Variants in KANK1 observed in about 807,000 individuals in gnomAD.
KANK1 encodes the protein KN motif and ankyrin repeat domain-containing protein 1.
A neutral mutation model predicts 106.2 loss-of-function variants in KANK1; 109 were observed. The observed-to-expected ratio is 1.03, with a 90% CI of 0.88 to 1.20. The LOEUF (loss-of-function observed/expected upper bound fraction) is 1.20, where lower values mean the gene tolerates loss of function less well. Ranked by LOEUF, KANK1 falls within the 50% of genes most tolerant of loss-of-function variation. The pLI is 0.00. For missense variants in KANK1, 2,399 were observed against 1,710.7 expected (o/e 1.40, Z -7.10); for synonymous variants, 873 against 652.2 (o/e 1.34, Z -5.16).
intron 7 of KANK1, among the ~76,000 whole-genome samples, chr9:736,389 G>C (rs1833813631): frequency 6.6e-6 from 1 of 152,114 alleles, no homozygotes; most frequent in African/African-American, 2.4e-5. Context: ...TAGATACAGA[G>C]GGCCAGCTGT....
intron 1 of KANK1, among the ~76,000 whole-genome samples, chr9:538,236 C>T (rs567846161): frequency 1.3e-5 from 2 of 151,884 alleles, no homozygotes; most frequent in Admixed American, 6.6e-5. Context: ...TGAGAAAGAT[C>T]GTGTTGCAAA....
intron 3 of KANK1, among the ~76,000 whole-genome samples, chr9:722,776 C>T (rs1258682997): frequency 6.6e-6 from 1 of 152,128 alleles, no homozygotes; most frequent in Non-Finnish European, 1.5e-5. Flanking sequence ...TCCTCATGAC[C>T]TTTGGTTGAA....
intron 3 of KANK1, among the ~76,000 whole-genome samples, chr9:473,907 C>T (rs2058062057): frequency 6.6e-6 from 1 of 152,114 alleles, no homozygotes; most frequent in Non-Finnish European, 1.5e-5. Flanking sequence ...ACCATGTTGG[C>T]CAGGATGGTC....
At chr9:632,162 A>G (rs1835895692) in intron 1 of KANK1, among the ~76,000 whole-genome samples, 2 of 152,224 alleles carry the variant, frequency 1.3e-5, no homozygotes, top group African/African-American at 4.8e-5. Context: ...AGAAAGTGGC[A>G]GTGAACTTCT....
chr9:616,832 A>C (rs1335481685), intron 1 of KANK1, among the ~76,000 whole-genome samples: 1 of 152,208 alleles, frequency 6.6e-6, no homozygotes, highest in African/African-American at 2.4e-5. Flanking sequence ...AAAGCAAGGC[A>C]AAGTTCCACA....
chr9:521,305 C>T (rs1349370629), intron 1 of KANK1, among the ~76,000 whole-genome samples: 1 of 151,524 alleles, frequency 6.6e-6, no homozygotes, highest in African/African-American at 2.4e-5. Context: ...GGTGTGGGGG[C>T]CATCTACTTA....
At chr9:611,547 T>G (rs2136152558) in intron 1 of KANK1, among the ~76,000 whole-genome samples, 1 of 152,330 alleles carries the variant, frequency 6.6e-6, no homozygotes, top group East Asian at 1.9e-4. Context: ...ACATTTCACT[T>G]CACTTCTTAA....
chr9:650,508 C>G (rs1032713023), intron 1 of KANK1, among the ~76,000 whole-genome samples: 1 of 152,126 alleles, frequency 6.6e-6, no homozygotes, highest in Non-Finnish European at 1.5e-5. Flanking sequence ...TTCTAACTAG[C>G]TGTAGAGCAT....
chr9:598,615 G>GTTTTATTTTT, intron 1 of KANK1, among the ~76,000 whole-genome samples: 1 of 73,334 alleles, frequency 1.4e-5, no homozygotes. Context: ...TGTTTTGTTG[G>GTTTTATTTTT]TTTTCTTTTT....
At chr9:668,995 G>A (rs769532923) in intron 1 of KANK1, among the ~76,000 whole-genome samples, 31 of 152,050 alleles carry the variant, frequency 2.0e-4, no homozygotes, top group Non-Finnish European at 3.8e-4. Flanking sequence ...AACATGCGAC[G>A]GACCAGTACT....
At chr9:606,642 CATATATATATAT>C (rs1829274864) in intron 1 of KANK1, among the ~76,000 whole-genome samples, 1 of 66,686 alleles carries the variant, frequency 1.5e-5, no homozygotes, top group Admixed American at 1.4e-4. Context: ...ATATATATTA[CATATATATATAT>C]GTTTAGAAAA....
Position 744,486 on chromosome 9 carries a change from T to A in KANK1, c.3898-5T>A. The stretch of plus-strand genomic sequence containing the variant: ...CATGGCTTGTTCTTTCCATCTTATC[T>A]TAAGGATGGCAGCACTGCGCTCTCA... On this transcript the variant is annotated splice_region_variant and splice_polypyrimidine_tract_variant and intron_variant, in intron 10 of 11. Coordinates refer to ENST00000382297, the MANE Select transcript of KANK1 (RefSeq NM_015158.5). 2 of 1,611,326 alleles carry A rather than the reference T, an allele frequency of 1.2e-6. No homozygotes were observed. Among genetic ancestry groups the A allele is most frequent in the Non-Finnish European group, 1.7e-6 (2 of 1,177,852 alleles).
rs532574891 is a variant in KANK1, at chr9:711,134, C to G, written c.368C>G (p.Pro123Arg). Residue 123 changes from proline to arginine, a missense_variant, in exon 3 of 12, where the codon CCC becomes CGC. Coordinates refer to ENST00000382297, the MANE Select transcript of KANK1 (RefSeq NM_015158.5). ...TCAACTCCAATCTCAAAGCCACCTC[C>G]CCCTCTGGAGACCTCACTCCCTTTT... ...VTSTPISKPP[P>R]PLETSLPFLT... 1 of 1,614,180 alleles carries G rather than the reference C, an allele frequency of 6.2e-7. No homozygotes were observed. The highest frequency in any genetic ancestry group is 1.1e-5 in the South Asian group (1 of 91,082).
intron 1 of KANK1, among the ~76,000 whole-genome samples, chr9:586,803 T>C (rs973366887): frequency 2.0e-5 from 3 of 152,108 alleles, no homozygotes; most frequent in Non-Finnish European, 4.4e-5. Flanking sequence ...AGCCTTTACC[T>C]AAAGCAAAAG....
intron 1 of KANK1, among the ~76,000 whole-genome samples, chr9:554,296 G>A (rs555088900): frequency 2.2e-4 from 33 of 152,280 alleles, no homozygotes; most frequent in Middle Eastern, 3.4e-3. Flanking sequence ...CAAGAACCAG[G>A]TGCGCTGATG....
chr9:472,299 C>A (rs1171917663), intron 2 of KANK1, among the ~76,000 whole-genome samples: 2 of 152,210 alleles, frequency 1.3e-5, no homozygotes, highest in Non-Finnish European at 2.9e-5. Context: ...GCCTCAGACT[C>A]TGAGTTTCTA....
intron 3 of KANK1, among the ~76,000 whole-genome samples, chr9:724,615 A>G (rs1003154858): frequency 1.3e-5 from 2 of 152,164 alleles, no homozygotes; most frequent in Non-Finnish European, 2.9e-5. Context: ...CAGCCTAGCC[A>G]ACATAGTAAA....
At chr9:732,318 T>G (rs1212358381) in intron 5 of KANK1, 60 bp from the exon 6 acceptor site, 1 of 1,544,230 alleles carries the variant, frequency 6.5e-7, no homozygotes, top group Non-Finnish European at 8.7e-7. Flanking sequence ...CATAGAAATT[T>G]CTATCACTGG....
intron 7 of KANK1, among the ~76,000 whole-genome samples, chr9:736,920 A>C (rs148688098): frequency 1.1e-4 from 16 of 152,270 alleles, no homozygotes; most frequent in African/African-American, 3.9e-4. Context: ...ACTGTTCTCA[A>C]AATACTAGGT....
Sources: allele counts gnomAD v4.1 joint callset (sites outside exome capture counted in the v4.1 genomes callset), GRCh38; gene constraint gnomAD v4.1.1; transcripts MANE v1.5; gene names NCBI Gene and HGNC (gene_info 2026-07-23, HGNC 2026-07-21).